The following GRIK2 variants were observed in gnomAD, a reference collection of about 807,000 sequenced individuals.
The protein encoded by GRIK2 is glutamate receptor ionotropic, kainate 2.
A neutral mutation model predicts 100.3 loss-of-function variants in GRIK2; 32 were observed. The observed-to-expected ratio is 0.32, with a 90% CI of 0.24 to 0.43. The LOEUF is 0.43. Ranked by LOEUF, GRIK2 falls within the 20% of genes least tolerant of loss-of-function variation. The probability of loss-of-function intolerance (pLI) is 1.00; values close to 1 mark genes in which losing one functional copy is unlikely to be tolerated. For synonymous variants in GRIK2, 417 were observed against 389.4 expected (o/e 1.07, Z -0.83); for missense variants, 843 against 1,114.9 (o/e 0.76, Z 3.47).
intron 2 of GRIK2, among the ~76,000 whole-genome samples, chr6:101,560,869 C>T (rs182568238): frequency 6.6e-6 from 1 of 152,226 alleles, no homozygotes; most frequent in Admixed American, 6.5e-5. Context: ...CATCACTGTG[C>T]TAGCAAAAAT....
chr6:101,895,405 A>T (rs188388900), intron 12 of GRIK2, among the ~76,000 whole-genome samples: 1 of 151,780 alleles, frequency 6.6e-6, no homozygotes, highest in South Asian at 2.1e-4. Flanking sequence ...TCTTAACTTT[A>T]TATTTTGGCT....
chr6:101,611,115 T>C (rs1247180146), intron 2 of GRIK2, among the ~76,000 whole-genome samples: 3 of 151,848 alleles, frequency 2.0e-5, no homozygotes, highest in Non-Finnish European at 4.4e-5. Context: ...TCAACACTTA[T>C]TTTCCATCCA....
At chr6:101,838,808 C>A (rs2518197) in intron 10 of GRIK2, among the ~76,000 whole-genome samples, 16,898 of 151,708 alleles carry the variant, frequency 0.11, 1,967 homozygotes, top group East Asian at 0.66. Flanking sequence ...CCCACCACCA[C>A]GCCTGGCTAA....
In GRIK2 at chr6:101,898,212, TG is replaced by T. The variant is rs1457118040; in HGVS notation, c.1748+8350del. On this transcript the variant is annotated intron_variant, in intron 12 of 16. Coordinates refer to ENST00000369134, the MANE Select transcript of GRIK2 (RefSeq NM_021956.5). ...GAGATGTTTTCTTTTTGTTGAATGCTGTTATTGTAACACTTTTTAATTTTAA... is the reference window on the plus strand; with the variant it reads ...GAGATGTTTTCTTTTTGTTGAATGCTTTATTGTAACACTTTTTAATTTTAA... 5.9e-5 allele frequency among the ~76,000 whole-genome samples: 9 copies of T among 151,928 alleles called. 1 individual carries two copies. Among genetic ancestry groups the T allele is most frequent in the South Asian group, 2.1e-4 (1 of 4,830 alleles).
At chr6:101,975,809 G>GTCTGTCTGTCTATCTATCTA (rs141650149) in intron 14 of GRIK2, among the ~76,000 whole-genome samples, 23 of 147,512 alleles carry the variant, frequency 1.6e-4, no homozygotes, top group African/African-American at 5.6e-4. Flanking sequence ...CTATCTATCT[G>GTCTGTCTGTCTATCTATCTA]TCTATCTATC....
At chr6:101,568,815 TC>T (rs1777402877) in intron 2 of GRIK2, among the ~76,000 whole-genome samples, 1 of 152,082 alleles carries the variant, frequency 6.6e-6, no homozygotes. Flanking sequence ...TTTTAAAAAT[TC>T]TGATAACGAG....
At chr6:101,732,681 A>C (rs1355111027) in intron 7 of GRIK2, among the ~76,000 whole-genome samples, 1 of 152,096 alleles carries the variant, frequency 6.6e-6, no homozygotes, top group African/African-American at 2.4e-5. Context: ...GCGTGTCTAA[A>C]TCCAAACCTT....
intron 14 of GRIK2, among the ~76,000 whole-genome samples, chr6:101,981,890 G>A (rs930876805): frequency 2.6e-5 from 4 of 151,882 alleles, no homozygotes; most frequent in African/African-American, 9.7e-5. Context: ...TAGTTGAGCA[G>A]ATGAAAGATA....
At chr6:101,728,009 G>A (rs1774994746) in intron 7 of GRIK2, among the ~76,000 whole-genome samples, 1 of 151,916 alleles carries the variant, frequency 6.6e-6, no homozygotes, top group Non-Finnish European at 1.5e-5. Context: ...AGATGATTAT[G>A]AATAAATTGC....
At chr6:102,066,155 TAAAC>T (rs1304136539) in intron 16 of GRIK2, among the ~76,000 whole-genome samples, 4 of 151,648 alleles carry the variant, frequency 2.6e-5, no homozygotes, top group Admixed American at 1.3e-4. Flanking sequence ...TTAATGTTAT[TAAAC>T]AAATGCTAAA....
chr6:101,856,321 A>C (rs1326357498), intron 10 of GRIK2, among the ~76,000 whole-genome samples: 2 of 152,012 alleles, frequency 1.3e-5, no homozygotes, highest in African/African-American at 4.8e-5. Context: ...AAAACATGTA[A>C]AAGTTTTGGG....
intron 10 of GRIK2, among the ~76,000 whole-genome samples, chr6:101,841,600 G>C (rs1432375719): frequency 6.6e-6 from 1 of 152,086 alleles, no homozygotes; most frequent in East Asian, 1.9e-4. Context: ...CTGACCTCGA[G>C]TGATCCACCT....
chr6:101,594,095 T>TA (rs1264091230), intron 2 of GRIK2, among the ~76,000 whole-genome samples: 2 of 151,872 alleles, frequency 1.3e-5, no homozygotes, highest in Non-Finnish European at 2.9e-5. Flanking sequence ...GTTTATTAAT[T>TA]AAATGAGTTA....
intron 2 of GRIK2, among the ~76,000 whole-genome samples, chr6:101,484,925 C>G (rs1483617892): frequency 6.6e-6 from 1 of 152,078 alleles, no homozygotes; most frequent in African/African-American, 2.4e-5. Flanking sequence ...CTTTTATTGG[C>G]GTACCTGACA....
At chr6:101,494,971 T>TTATATATATATATATATATATA (rs369006296) in intron 2 of GRIK2, among the ~76,000 whole-genome samples, 38 of 107,946 alleles carry the variant, frequency 3.5e-4, no homozygotes, top group South Asian at 1.0e-3. Flanking sequence ...ATATATGCAT[T>TTATATATATATATATATATATA]TATATATATA....
chr6:101,549,333 T>G (rs1776400094), intron 2 of GRIK2, among the ~76,000 whole-genome samples: 1 of 150,014 alleles, frequency 6.7e-6, no homozygotes, highest in Non-Finnish European at 1.5e-5. Context: ...GCCAGCCTGG[T>G]AGGGTGGGAG....
chr6:102,044,096 G>T (rs1770749521), intron 15 of GRIK2, among the ~76,000 whole-genome samples: 1 of 151,866 alleles, frequency 6.6e-6, no homozygotes, highest in Non-Finnish European at 1.5e-5. Context: ...TAATTTTATA[G>T]AAGTATAAGA....
chr6:101,868,592 A>G (rs149657435), intron 11 of GRIK2, among the ~76,000 whole-genome samples: 1 of 151,590 alleles, frequency 6.6e-6, no homozygotes, highest in Admixed American at 6.6e-5. Context: ...TTTAAAGGTG[A>G]TATTTTCTTT....
chr6:101,466,658 A>G (rs935082472), intron 2 of GRIK2, among the ~76,000 whole-genome samples: 1 of 151,628 alleles, frequency 6.6e-6, no homozygotes, highest in Non-Finnish European at 1.5e-5. Context: ...TCTTTCATTC[A>G]TTCTTTTTTC....
Sources: gnomAD v4.1 joint callset for allele counts (sites outside exome capture counted in the v4.1 genomes callset) on GRCh38, gnomAD v4.1.1 for gene constraint, MANE v1.5 for transcripts, NCBI Gene and HGNC (gene_info 2026-07-23, HGNC 2026-07-21) for gene names.